SBF2: variants seen among roughly 807,000 people sequenced by gnomAD.
SBF2 encodes the protein myotubularin-related protein 13.
In SBF2, 112 loss-of-function variants were observed where a neutral mutation model predicts 225.2. The ratio of observed to expected loss-of-function variants is 0.50; its 90% CI spans 0.43 to 0.58. The LOEUF is 0.58. Among genes scored for constraint, SBF2 ranks in the 20% least tolerant of loss-of-function variants. SBF2 has a pLI of 0.00. For missense variants in SBF2, 1,996 were observed against 2,206.2 expected, an observed-to-expected ratio of 0.90 and a Z score of 1.91; for synonymous variants, 763 against 773.3, an observed-to-expected ratio of 0.99 and a Z score of 0.22.
rs1047410246 is a variant in SBF2, at chr11:9,967,776, G to A, written c.1600+565C>T. 4.6e-5 allele frequency among the ~76,000 whole-genome samples: 7 copies of A among 152,088 alleles called. No individual in the cohort carries two copies. The East Asian group carries it at 1.4e-3, about 29-fold the overall frequency. On this transcript the variant is annotated intron_variant, in intron 14 of 39. Transcript: ENST00000256190. The stretch of plus-strand genomic sequence containing the variant: ...ACTAAAAATACAAAATTAGCTGGGC[G>A]AGGTGGCACATGCCTGTAATCCCAG...
At chr11:9,925,354 T>C (rs1266737651) in intron 16 of SBF2, among the ~76,000 whole-genome samples, 1 of 152,160 alleles carries the variant, frequency 6.6e-6, no homozygotes, top group African/African-American at 2.4e-5. Context: ...CTTGGCTCAC[T>C]GCAACCTCCA....
chr11:10,192,812 G>A (rs1180606250), intron 2 of SBF2, among the ~76,000 whole-genome samples: 1 of 152,128 alleles, frequency 6.6e-6, no homozygotes, highest in East Asian at 1.9e-4. Flanking sequence ...CTGCTTTGAA[G>A]ACACTGCTTC....
chr11:9,995,848 C>T lies in SBF2; in HGVS notation c.976-1850G>A, dbSNP rs1457230436. Among the ~76,000 whole-genome samples the T allele has an allele frequency of 4.4e-4, 63 of 142,474 alleles. 1 individual carries two copies. The highest frequency in any genetic ancestry group is 1.3e-3 in the African/African-American group (51 of 38,636). 93.5% of individuals were successfully genotyped at this position (142,474 alleles called of 152,430 possible). ...GTCTTTTTTTTTTTTTTGGTAGAGA[C>T]GGGGTTTCACCATGTTGGTCAGGCT... On this transcript the variant is annotated intron_variant, in intron 9 of 39. Transcript: ENST00000256190.
chr11:10,061,461 C>T (rs1590864278), intron 2 of SBF2, among the ~76,000 whole-genome samples: 1 of 152,338 alleles, frequency 6.6e-6, no homozygotes, highest in African/African-American at 2.4e-5. Context: ...AGCCCAAAAG[C>T]TCCTTCAGCT....
chr11:10,166,868 G>A (rs536888389), intron 2 of SBF2, among the ~76,000 whole-genome samples: 3 of 152,040 alleles, frequency 2.0e-5, no homozygotes, highest in African/African-American at 7.2e-5. Context: ...AGACTGAGGC[G>A]GGAGAATCAC....
chr11:9,996,330 T>C (rs1565109852), intron 9 of SBF2, among the ~76,000 whole-genome samples: 1 of 152,226 alleles, frequency 6.6e-6, no homozygotes, highest in Non-Finnish European at 1.5e-5. Context: ...ATACCATCTA[T>C]GCAATTATGT....
At chr11:10,197,990 A>G (rs1256042033) in intron 1 of SBF2, among the ~76,000 whole-genome samples, 2 of 152,170 alleles carry the variant, frequency 1.3e-5, no homozygotes, top group African/African-American at 2.4e-5. Context: ...TTTCCCCACT[A>G]AAGTCTTGAA....
chr11:10,207,767 A>C (rs1957795879), intron 1 of SBF2, among the ~76,000 whole-genome samples: 2 of 152,274 alleles, frequency 1.3e-5, no homozygotes, highest in Middle Eastern at 6.8e-3. Flanking sequence ...GGCAAGCCCA[A>C]AGGCACAATA....
intron 13 of SBF2, among the ~76,000 whole-genome samples, chr11:9,975,535 ACCT>A (rs1460224609): frequency 6.6e-6 from 1 of 152,202 alleles, no homozygotes; most frequent in East Asian, 1.9e-4. Flanking sequence ...GAAATACTCT[ACCT>A]ACTTATTGTG....
intron 2 of SBF2, among the ~76,000 whole-genome samples, chr11:10,112,899 A>G (rs115080533): frequency 6.6e-6 from 1 of 152,324 alleles, no homozygotes; most frequent in African/African-American, 2.4e-5. Flanking sequence ...AGAACAGAAA[A>G]CAATTTTTCT....
At position 9,799,632 on chromosome 11, in the gene SBF2, C is replaced by T. The variant is rs533559275; in HGVS notation, c.4444-3675G>A. Among the ~76,000 whole-genome samples, 20 of 152,226 alleles carry T rather than the reference C, an allele frequency of 1.3e-4. No individual in the cohort carries two copies. In the South Asian group the frequency reaches 2.5e-3, roughly 19 times the overall value. ...GTACCTAGATACCACGTTTAGAATC[C>T]GACATTAAGAAACATAAGGAATTTT... On this transcript the variant is annotated intron_variant, in intron 32 of 39. Coordinates refer to ENST00000256190, the MANE Select transcript of SBF2 (RefSeq NM_030962.4).
chr11:9,880,117 C>T (rs1422844578), intron 17 of SBF2, among the ~76,000 whole-genome samples: 1 of 126,682 alleles, frequency 7.9e-6, no homozygotes, highest in Non-Finnish European at 1.6e-5. Context: ...AAAAAGATCT[C>T]AGGATGAGCC....
intron 37 of SBF2, 162 bp downstream of exon 37, chr11:9,784,963 C>T (rs1852274711): frequency 4.1e-6 from 3 of 730,402 alleles, no homozygotes; most frequent in Admixed American, 2.5e-5. Flanking sequence ...TGTTTTTTGT[C>T]TTTTCAAAGA....
At chr11:10,206,267 T>C (rs1957748686) in intron 1 of SBF2, among the ~76,000 whole-genome samples, 1 of 151,160 alleles carries the variant, frequency 6.6e-6, no homozygotes, top group South Asian at 2.1e-4. Flanking sequence ...AGAAGGGCTA[T>C]ATTTAATGGC....
At chr11:9,881,358 C>T (rs1466445784) in intron 17 of SBF2, among the ~76,000 whole-genome samples, 3 of 152,134 alleles carry the variant, frequency 2.0e-5, no homozygotes, top group Non-Finnish European at 2.9e-5. Context: ...TGTACTATCA[C>T]ATATGAGGCT....
chr11:10,088,734 C>T (rs1041945272), intron 2 of SBF2, among the ~76,000 whole-genome samples: 1 of 152,224 alleles, frequency 6.6e-6, no homozygotes, highest in South Asian at 2.1e-4. Flanking sequence ...TGTACCCCCA[C>T]GATCCAAACA....
chr11:9,908,494 G>A (rs913930608), intron 16 of SBF2, among the ~76,000 whole-genome samples: 13 of 152,308 alleles, frequency 8.5e-5, no homozygotes, highest in African/African-American at 2.9e-4. Context: ...AGGCGTGGTG[G>A]CGGGCGCCTG....
chr11:10,172,748 C>T lies in SBF2; in HGVS notation c.141+21154G>A, dbSNP rs576984200. ...GTGGCGCCATCTTGGCTCACTGTAA[C>T]CTCTGCCTCCTGGGTTCAAGCGATT... is the stretch of plus-strand genomic sequence containing the variant. On this transcript the variant is annotated intron_variant, in intron 2 of 39. Coordinates refer to ENST00000256190, the MANE Select transcript of SBF2 (RefSeq NM_030962.4). Among the ~76,000 whole-genome samples, 581 of 152,176 alleles carry T rather than the reference C, an allele frequency of 3.8e-3. 5 individuals carry two copies. The highest frequency in any genetic ancestry group is 5.4e-3 in the South Asian group (26 of 4,820).
At chr11:10,267,281 T>C (rs1229814476) in intron 1 of SBF2, among the ~76,000 whole-genome samples, 2 of 151,578 alleles carry the variant, frequency 1.3e-5, no homozygotes, top group Non-Finnish European at 2.9e-5. Context: ...ACACCCAGAC[T>C]TTAACTTTTA....
Sources: gnomAD v4.1 joint callset for allele counts (sites outside exome capture counted in the v4.1 genomes callset) on GRCh38, gnomAD v4.1.1 for gene constraint, MANE v1.5 for transcripts, NCBI Gene and HGNC (gene_info 2026-07-23, HGNC 2026-07-21) for gene names.